Variants in SNTG2 observed in about 807,000 individuals in gnomAD.
SNTG2 encodes syntrophin gamma 2, also known as gamma-2-syntrophin.
Under a neutral mutation model 70.9 loss-of-function variants are expected in SNTG2, and 74 were observed. That is an observed-to-expected ratio of 1.04 (90% CI 0.86 to 1.27). The LOEUF (loss-of-function observed/expected upper bound fraction) is 1.27. SNTG2 is among the 50% of genes most tolerant of loss of function. SNTG2 has a pLI of 0.00. For missense variants in SNTG2, 717 were observed against 690.7 expected (o/e 1.04, Z -0.43); for synonymous variants, 278 against 273.8 (o/e 1.02, Z -0.15).
chr2:1,334,186 GA>G (rs1329915724), intron 16 of SNTG2, among the ~76,000 whole-genome samples: 4 of 151,980 alleles, frequency 2.6e-5, no homozygotes, highest in African/African-American at 9.7e-5. Flanking sequence ...ACAAACATAT[GA>G]AAAAATGCTC....
chr2:1,092,553 T>C (rs1440229721), intron 2 of SNTG2, among the ~76,000 whole-genome samples: 1 of 152,250 alleles, frequency 6.6e-6, no homozygotes, highest in Admixed American at 6.5e-5. Context: ...TATTAAAATC[T>C]GAACATGAGT....
At chr2:1,251,535 CAT>C (rs778548376) in intron 12 of SNTG2, among the ~76,000 whole-genome samples, 1 of 144,784 alleles carries the variant, frequency 6.9e-6, no homozygotes, top group African/African-American at 2.6e-5. Context: ...ATACCACACA[CAT>C]AACATATGCA....
chr2:1,048,320 G>A (rs569477839), intron 1 of SNTG2, among the ~76,000 whole-genome samples: 6 of 152,176 alleles, frequency 3.9e-5, no homozygotes, highest in Admixed American at 1.3e-4. Context: ...CTGACATCCC[G>A]ACATCCAGCA....
intron 10 of SNTG2, among the ~76,000 whole-genome samples, chr2:1,238,905 T>G (rs1676863910): frequency 6.6e-6 from 1 of 152,188 alleles, no homozygotes; most frequent in African/African-American, 2.4e-5. Context: ...ACGTCTCCCT[T>G]GCAACCTCCC....
rs115185560 is a variant in SNTG2, at chr2:1,265,524, C to T, written c.1078-1841C>T. 9.2e-3 allele frequency among the ~76,000 whole-genome samples: 1,403 copies of T among 152,326 alleles called. 18 individuals are homozygous for T. The highest frequency in any genetic ancestry group is 0.032 in the African/African-American group (1,330 of 41,590). On this transcript the variant is annotated intron_variant, in intron 13 of 16. Coordinates refer to ENST00000308624, the MANE Select transcript of SNTG2 (RefSeq NM_018968.4). Reference sequence around the variant, plus strand: ...ATGCTCTCCATGATCAGAGGGTCATCCTGCAGAGCCATCTGCGGGGCCAGG... The same window carrying T: ...ATGCTCTCCATGATCAGAGGGTCATTCTGCAGAGCCATCTGCGGGGCCAGG...
chr2:967,672 T>C (rs1434108668), intron 1 of SNTG2, among the ~76,000 whole-genome samples: 1 of 152,210 alleles, frequency 6.6e-6, no homozygotes, highest in African/African-American at 2.4e-5. Flanking sequence ...CTTCATGTTG[T>C]GCCTTTGCCT....
intron 11 of SNTG2, among the ~76,000 whole-genome samples, chr2:1,244,301 C>T (rs2148123853): frequency 6.6e-6 from 1 of 152,184 alleles, no homozygotes; most frequent in East Asian, 1.9e-4. Context: ...TTATTCTCTA[C>T]TCCTCCCTCT....
chr2:1,001,508 C>T (rs1265319928), intron 1 of SNTG2, among the ~76,000 whole-genome samples: 1 of 151,882 alleles, frequency 6.6e-6, no homozygotes, highest in East Asian at 1.9e-4. Context: ...GAAGTCAATT[C>T]CATGTACAAT....
chr2:1,005,847 AT>A (rs1446449309), intron 1 of SNTG2, among the ~76,000 whole-genome samples: 6 of 22,056 alleles, frequency 2.7e-4, no homozygotes, highest in Non-Finnish European at 6.0e-4. Context: ...ATATATATAT[AT>A]ATATATATAT....
intron 1 of SNTG2, among the ~76,000 whole-genome samples, chr2:1,006,823 C>A (rs190423772): frequency 6.6e-6 from 1 of 151,922 alleles, no homozygotes; most frequent in East Asian, 1.9e-4. Flanking sequence ...GTCAGAAGAT[C>A]GAGACCAGCC....
At chr2:1,302,307 G>T (rs1205083552) in intron 14 of SNTG2, among the ~76,000 whole-genome samples, 1 of 152,008 alleles carries the variant, frequency 6.6e-6, no homozygotes, top group African/African-American at 2.4e-5. Flanking sequence ...TAATAACACT[G>T]TCTGATGTGA....
intron 15 of SNTG2, among the ~76,000 whole-genome samples, chr2:1,314,052 A>G (rs1681147339): frequency 6.6e-6 from 1 of 152,336 alleles, no homozygotes; most frequent in South Asian, 2.1e-4. Flanking sequence ...TTACATAGAT[A>G]TTTTTGCACT....
rs13397119 is a variant in SNTG2, at chr2:956,156, C to T, written c.72+5088C>T. On this transcript the variant is annotated intron_variant, in intron 1 of 16. Transcript: ENST00000308624. ...TGCACCCACCGCGCCCCGCCCCTGC[C>T]CCTGCCCTGCACCTACCCCTGCCCT... is the stretch of plus-strand genomic sequence containing the variant. Among the ~76,000 whole-genome samples the T allele has an allele frequency of 1.1e-3, 76 of 68,886 alleles. 1 individual carries two copies. Among genetic ancestry groups the T allele is most frequent in the African/African-American group, 4.1e-3 (62 of 15,150 alleles). 45.2% of individuals were successfully genotyped at this position (68,886 alleles called of 152,430 possible).
chr2:1,187,350 T>C (rs72768808), intron 8 of SNTG2, among the ~76,000 whole-genome samples: 7,600 of 152,154 alleles, frequency 0.05, 296 homozygotes, highest in East Asian at 0.21. Flanking sequence ...CACATGGACC[T>C]CCCTAATCTG....
intron 9 of SNTG2, among the ~76,000 whole-genome samples, chr2:1,235,723 CT>C (rs1676605576): frequency 6.6e-6 from 1 of 152,242 alleles, no homozygotes; most frequent in African/African-American, 2.4e-5. Context: ...AAAGCTGCCC[CT>C]GGCCCACACT....
At chr2:1,303,109 A>G (rs929108943) in intron 14 of SNTG2, among the ~76,000 whole-genome samples, 1 of 152,222 alleles carries the variant, frequency 6.6e-6, no homozygotes, top group African/African-American at 2.4e-5. Context: ...CAGCAAATAT[A>G]TAGAAGACTT....
intron 1 of SNTG2, among the ~76,000 whole-genome samples, chr2:1,067,103 C>G (rs1663210441): frequency 6.7e-6 from 1 of 150,182 alleles, no homozygotes; most frequent in African/African-American, 2.5e-5. Flanking sequence ...TTTCCATAGT[C>G]TAAAATAAAA....
intron 4 of SNTG2, among the ~76,000 whole-genome samples, chr2:1,111,358 C>T (rs893853738): frequency 6.6e-6 from 1 of 152,178 alleles, no homozygotes; most frequent in East Asian, 1.9e-4. Context: ...TCAGGAGAAG[C>T]TGGAAGCAGG....
chr2:1,045,901 T>C (rs1482641772), intron 1 of SNTG2, among the ~76,000 whole-genome samples: 2 of 152,184 alleles, frequency 1.3e-5, no homozygotes, highest in Non-Finnish European at 2.9e-5. Context: ...GGTCAAGTGT[T>C]GAGTTTAAAT....
Sources: allele counts gnomAD v4.1 joint callset (sites outside exome capture counted in the v4.1 genomes callset), GRCh38; gene constraint gnomAD v4.1.1; transcripts MANE v1.5; gene names NCBI Gene and HGNC (gene_info 2026-07-23, HGNC 2026-07-21).